The following RET variants were observed in gnomAD, a reference collection of about 807,000 sequenced individuals.
RET encodes proto-oncogene tyrosine-protein kinase receptor Ret.
A neutral mutation model predicts 118.3 loss-of-function variants in RET; 19 were observed. The observed-to-expected ratio is 0.16, with a 90% CI of 0.11 to 0.24. The LOEUF is 0.24. RET is among the 10% of genes least tolerant of loss of function. The pLI is 1.00. For synonymous variants in RET, 597 were observed against 644.1 expected, an observed-to-expected ratio of 0.93 and a Z score of 1.11; for missense variants, 1,219 against 1,502.1, an observed-to-expected ratio of 0.81 and a Z score of 3.12.
chr10:43,086,835 G>C (rs1837298578), intron 1 of RET, among the ~76,000 whole-genome samples: 1 of 152,266 alleles, frequency 6.6e-6, no homozygotes, highest in African/African-American at 2.4e-5. Context: ...AGTGTGGGTG[G>C]TGGCCATCGT....
At chr10:43,095,572 T>C (rs1837506159) in intron 1 of RET, among the ~76,000 whole-genome samples, 1 of 152,156 alleles carries the variant, frequency 6.6e-6, no homozygotes, top group African/African-American at 2.4e-5. Flanking sequence ...AGATGAATAA[T>C]TTAAACAGCC....
chr10:43,116,776 G>A (rs2132911678), intron 12 of RET, 45 bp downstream of exon 12: 1 of 1,322,474 alleles, frequency 7.6e-7, no homozygotes, highest in Non-Finnish European at 1.1e-6. Flanking sequence ...GAGTCTCCGG[G>A]GCGGGGGGCG....
Position 43,129,093 on chromosome 10 carries a change from G to T in RET, c.*824G>T, listed in dbSNP as rs886047002. ...CTGATGAGAACAGTATGAAGAAAGG[G>T]GGCTGTTGGAGTCCCAGAATTGCTG... is the stretch of plus-strand genomic sequence containing the variant. On this transcript the variant is annotated 3_prime_UTR_variant, in exon 20 of 20. Transcript: ENST00000355710. The T allele has an allele frequency of 3.0e-5, 7 of 233,414 alleles. No individual in the cohort carries two copies. The highest frequency in any genetic ancestry group is 1.3e-4 in the African/African-American group (6 of 45,282). The allele number at this position is 233,414 out of a possible 1,614,324, so 14.5% of individuals were successfully genotyped here.
At chr10:43,108,726 C>G (rs907774079) in intron 5 of RET, among the ~76,000 whole-genome samples, 5 of 152,126 alleles carry the variant, frequency 3.3e-5, no homozygotes, top group African/African-American at 1.2e-4. Context: ...TTACACATAC[C>G]ACACACACGC....
In RET at chr10:43,102,524, T is replaced by G; in HGVS notation, c.520T>G (p.Phe174Val). The change falls in exon 3 of 20, where the codon TTC becomes GTC. Residue 174 changes from phenylalanine to valine, a missense_variant. Phe to Val is a conservative substitution (Grantham distance 50, BLOSUM62 -1). Coordinates refer to ENST00000355710, the MANE Select transcript of RET (RefSeq NM_020975.6). ...CTGCTTCCCAGAGACAAGGCCCTCC[T>G]TCCGCATTCGGGAGAACCGACCCCC... is the stretch of plus-strand genomic sequence containing the variant. ...ELCFPETRPS[F>V]RIRENRPPGT... 6.2e-7 allele frequency: 1 copy of G among 1,614,228 alleles called. No individual in the cohort carries two copies. The highest frequency in any genetic ancestry group is 8.5e-7 in the Non-Finnish European group (1 of 1,180,042).
intron 19 of RET, chr10:43,127,441 T>G (rs768607690): frequency 1.9e-5 from 20 of 1,054,422 alleles, no homozygotes; most frequent in Non-Finnish European, 2.2e-5. Context: ...GGTCTTACAA[T>G]GGACAGTAAA....
rs1401867041 is a variant in RET at position 43,114,843 on chromosome 10, G to A, written c.2136+107G>A. The A allele has an allele frequency of 7.2e-6, 9 of 1,243,996 alleles. No individual in the cohort carries two copies. Among genetic ancestry groups the A allele is most frequent in the Non-Finnish European group, 9.9e-6 (9 of 907,530 alleles). The allele number at this position is 1,243,996 out of a possible 1,614,324, so 77.1% of individuals were successfully genotyped here. A position where few individuals can be genotyped will look rare whatever the true frequency, so the allele number is the denominator to read the frequency against. On this transcript the variant is annotated intron_variant, in intron 11 of 19. Transcript: ENST00000355710. This position sits in a 1 kb window ranked among gnomAD's most constrained non-coding sequence, Gnocchi z 4.6. ...GGCCATCCTGTGAGGGGCTGCCAAC[G>A]CTGGGCAGACGAGGCCTGTGTTCTG...
At chr10:43,105,309 T>C (rs1837744596) in intron 4 of RET, 116 bp downstream of exon 4, 4 of 1,486,146 alleles carry the variant, frequency 2.7e-6, no homozygotes, top group Admixed American at 1.8e-5. Flanking sequence ...ATTCGCGCTT[T>C]CATTTGTCCT....
Position 43,107,556 on chromosome 10 carries a change from G to A in RET, c.1063+985G>A, listed in dbSNP as rs1035026223. On this transcript the variant is annotated intron_variant, in intron 5 of 19. Transcript: ENST00000355710. ...GTAATGTAGACCTTTAACCCCCCAT[G>A]CCTCACACACACACACACACACACA... is the stretch of plus-strand genomic sequence containing the variant. Among the ~76,000 whole-genome samples the A allele has an allele frequency of 1.4e-4, 15 of 105,512 alleles. 1 individual carries two copies. The highest frequency in any genetic ancestry group is 5.5e-4 in the African/African-American group (14 of 25,462). 69.2% of individuals were successfully genotyped at this position (105,512 alleles called of 152,430 possible). A position where few individuals can be genotyped will look rare whatever the true frequency, so the allele number is the denominator to read the frequency against.
Position 43,077,305 on chromosome 10 carries a change from TGCTGCTGCTGCC to T in RET, c.54_65del (p.Leu19_Leu22del). The T allele has an allele frequency of 1.3e-6, 2 of 1,511,794 alleles. No individual in the cohort carries two copies. Among genetic ancestry groups the T allele is most frequent in the Non-Finnish European group, 8.8e-7 (1 of 1,135,552 alleles). 93.6% of individuals were successfully genotyped at this position (1,511,794 alleles called of 1,614,324 possible). A position where few individuals can be genotyped will look rare whatever the true frequency, so the allele number is the denominator to read the frequency against. ...GCCGCGGGGCTGCGTCTGCTGTTGC[TGCTGCTGCTGCC>T]GCTGCTAGGCAAAGGTGAGTTCTGC... On this transcript the variant is annotated inframe_deletion, in exon 1 of 20. Transcript: ENST00000355710.
At chr10:43,111,649 C>T (rs1208282407) in intron 7 of RET, among the ~76,000 whole-genome samples, 184 bp downstream of exon 7, 3 of 152,230 alleles carry the variant, frequency 2.0e-5, no homozygotes, top group Non-Finnish European at 4.4e-5. Context: ...CATACAGGAC[C>T]TTGGGTAAAT....
intron 1 of RET, among the ~76,000 whole-genome samples, chr10:43,096,306 C>A (rs1211762494): frequency 2.0e-5 from 3 of 152,138 alleles, no homozygotes; most frequent in Admixed American, 2.0e-4. Context: ...AGCCAACCAG[C>A]AGGGCACTGG....
At chr10:43,104,883 T>A in intron 3 of RET, 69 bp from the exon 4 acceptor site, 5 of 1,531,186 alleles carry the variant, frequency 3.3e-6, no homozygotes, top group Non-Finnish European at 4.4e-6. Context: ...AGAGCCCCCT[T>A]CCCGAGGAAA....
chr10:43,083,191 C>T (rs965380175), intron 1 of RET, among the ~76,000 whole-genome samples: 2 of 152,214 alleles, frequency 1.3e-5, no homozygotes, highest in Admixed American at 6.5e-5. Flanking sequence ...GACCCAGCAC[C>T]GGTGGGCAGC....
intron 5 of RET, among the ~76,000 whole-genome samples, chr10:43,108,563 T>C (rs1439003792): frequency 6.6e-6 from 1 of 151,948 alleles, no homozygotes; most frequent in African/African-American, 2.4e-5. Flanking sequence ...GTTTTTAAGG[T>C]TTTTCTGGTG....
rs2132840373 is a variant in RET at position 43,114,339 on chromosome 10, G to A, written c.1880-141G>A. ...CCCATGCTCGATGGGGTGTTCTCAG[G>A]CCTTCCCACACCTCCATGGCCACTT... On this transcript the variant is annotated intron_variant, in intron 10 of 19. Transcript: ENST00000355710. This position sits in a 1 kb window ranked among gnomAD's most constrained non-coding sequence, Gnocchi z 4.6. 8.8e-7 allele frequency: 1 copy of A among 1,134,446 alleles called. No individual in the cohort carries two copies. Among genetic ancestry groups the A allele is most frequent in the African/African-American group, 1.5e-5 (1 of 65,384 alleles). The allele number at this position is 1,134,446 out of a possible 1,614,324, so 70.3% of individuals were successfully genotyped here. A position where few individuals can be genotyped will look rare whatever the true frequency, so the allele number is the denominator to read the frequency against.
rs1306895420 is a variant in RET at position 43,121,810 on chromosome 10, C to T, written c.2731-136C>T. The T allele has an allele frequency of 6.7e-6, 5 of 742,536 alleles. No individual in the cohort carries two copies. The Admixed American group carries it at 7.2e-5, about 11-fold the overall frequency. 46.0% of individuals were successfully genotyped at this position (742,536 alleles called of 1,614,324 possible). A position where few individuals can be genotyped will look rare whatever the true frequency, so the allele number is the denominator to read the frequency against. Reference sequence around the variant, plus strand: ...CAGCCCCTTCAAAGATGTGTGTGGCCAGTTCTGTGCCCAGGAGTGTCTACA... The same window carrying T: ...CAGCCCCTTCAAAGATGTGTGTGGCTAGTTCTGTGCCCAGGAGTGTCTACA... On this transcript the variant is annotated intron_variant, in intron 15 of 19. Coordinates refer to ENST00000355710, the MANE Select transcript of RET (RefSeq NM_020975.6).
intron 15 of RET, among the ~76,000 whole-genome samples, chr10:43,121,220 A>T (rs528341977): frequency 2.2e-4 from 33 of 152,356 alleles, no homozygotes; most frequent in African/African-American, 7.0e-4. Flanking sequence ...ACTGTCACAC[A>T]CTGCTGCCAA....
chr10:43,089,339 A>G (rs1411156622), intron 1 of RET, among the ~76,000 whole-genome samples: 2 of 152,192 alleles, frequency 1.3e-5, no homozygotes, highest in Admixed American at 6.5e-5. Context: ...TGCCAGGGAA[A>G]GGGCTAACAA....
Sources: gnomAD v4.1 joint callset for allele counts (sites outside exome capture counted in the v4.1 genomes callset) on GRCh38, gnomAD v4.1.1 for gene constraint, Gnocchi (gnomAD v3.1) non-coding constraint, MANE v1.5 for transcripts, NCBI Gene and HGNC (gene_info 2026-07-23, HGNC 2026-07-21) for gene names.